The following LRFN2 variants were observed in gnomAD, a reference collection of about 807,000 sequenced individuals.
LRFN2 encodes leucine rich repeat and fibronectin type III domain containing 2.
LRFN2 carries 18 observed loss-of-function variants against 37.3 expected under a neutral mutation model. The ratio of observed to expected loss-of-function variants is 0.48; its 90% confidence interval spans 0.33 to 0.72. LRFN2 has a LOEUF of 0.72. LRFN2 is among the 30% of genes least tolerant of loss of function. The pLI is 0.02. For synonymous variants in LRFN2, 556 were observed against 466.6 expected (o/e 1.19, Z -2.47); for missense variants, 1,006 against 1,060.7 (o/e 0.95, Z 0.72).
intron 1 of LRFN2, among the ~76,000 whole-genome samples, 179 bp downstream of exon 1, chr6:40,586,762 C>G (rs539930134): frequency 6.6e-6 from 1 of 152,196 alleles, no homozygotes; most frequent in Non-Finnish European, 1.5e-5. Context: ...GGAAATCTCT[C>G]GCGATAAGGA....
chr6:40,505,043 G>A (rs190161490), intron 1 of LRFN2, among the ~76,000 whole-genome samples: 209 of 152,328 alleles, frequency 1.4e-3, no homozygotes, highest in African/African-American at 4.4e-3. Flanking sequence ...TGAAGACTAC[G>A]AGCCTAGATC....
At chr6:40,404,714 G>T (rs1762807757) in intron 2 of LRFN2, among the ~76,000 whole-genome samples, 1 of 152,176 alleles carries the variant, frequency 6.6e-6, no homozygotes, top group African/African-American at 2.4e-5. Flanking sequence ...CACCAAACAG[G>T]TGGGCCAGTC....
chr6:40,488,497 C>G (rs560245072), intron 1 of LRFN2, among the ~76,000 whole-genome samples: 29 of 152,266 alleles, frequency 1.9e-4, no homozygotes, highest in African/African-American at 7.0e-4. Flanking sequence ...GGACCTCTTG[C>G]TTCTGAGAAC....
intron 1 of LRFN2, among the ~76,000 whole-genome samples, chr6:40,490,132 G>A (rs9380963): frequency 0.019 from 2,916 of 152,272 alleles, 62 homozygotes; most frequent in East Asian, 0.062. Context: ...GTCAGACCCC[G>A]TGGAAGCACA....
chr6:40,550,160 T>C (rs188866029), intron 1 of LRFN2, among the ~76,000 whole-genome samples: 29 of 152,304 alleles, frequency 1.9e-4, no homozygotes, highest in Admixed American at 4.6e-4. Flanking sequence ...GGTAATGCCC[T>C]ATCCTAAGGC....
In LRFN2 at chr6:40,431,954, C is replaced by T. The variant is rs200220496; in HGVS notation, c.1160G>A (p.Ser387Asn). 1 of 1,613,626 alleles carries T rather than the reference C, an allele frequency of 6.2e-7. No homozygotes were observed. The highest frequency in any genetic ancestry group is 2.2e-5 in the East Asian group (1 of 44,878). The change falls in exon 2 of 3, where the codon AGC becomes AAC. Residue 387 changes from serine (S) to asparagine (N), a missense_variant. Coordinates refer to ENST00000338305, the MANE Select transcript of LRFN2 (RefSeq NM_020737.3). ...VQLPHLSNSTSRTAPPKSRLS... is the reference protein window; with the variant it reads ...VQLPHLSNSTNRTAPPKSRLS... ...GCGGGACTTGGGGGGTGCAGTGCGG[C>T]TGGTGCTGTTGCTGAGGTGTGGCAG...
chr6:40,575,912 T>C (rs951253752), intron 1 of LRFN2, among the ~76,000 whole-genome samples: 1 of 152,188 alleles, frequency 6.6e-6, no homozygotes, highest in African/African-American at 2.4e-5. Context: ...GAAGTAATAA[T>C]ACCTACTGCA....
At chr6:40,492,522 C>T (rs1001390309) in intron 1 of LRFN2, among the ~76,000 whole-genome samples, 23 of 152,196 alleles carry the variant, frequency 1.5e-4, no homozygotes, top group African/African-American at 5.3e-4. Flanking sequence ...TCCTTGGAGC[C>T]GGTTGTTTCA....
intron 1 of LRFN2, among the ~76,000 whole-genome samples, chr6:40,551,910 C>A (rs547055065): frequency 1.3e-5 from 2 of 152,232 alleles, no homozygotes; most frequent in East Asian, 3.9e-4. Context: ...TCAAGCCTAT[C>A]AAGTCCAATT....
chr6:40,422,354 G>C (rs765114373), intron 2 of LRFN2, among the ~76,000 whole-genome samples: 9 of 152,152 alleles, frequency 5.9e-5, no homozygotes, highest in Non-Finnish European at 1.2e-4. Context: ...TGATTTCACT[G>C]GGCATGATGC....
In LRFN2 at chr6:40,545,145, A is replaced by G. The variant is rs776933444; in HGVS notation, c.-19+41796T>C. The stretch of plus-strand genomic sequence containing the variant: ...AGCGAATTCATGCAAAGTGCTCAGC[A>G]TAAGTGCCTACCACATAATAAATGC... On this transcript the variant is annotated intron_variant, in intron 1 of 2. Transcript: ENST00000338305. 2.8e-4 allele frequency among the ~76,000 whole-genome samples: 42 copies of G among 152,254 alleles called. 1 individual carries two copies. The highest frequency in any genetic ancestry group is 7.3e-5 in the Non-Finnish European group (5 of 68,048).
chr6:40,576,872 T>A (rs1767289828), intron 1 of LRFN2, among the ~76,000 whole-genome samples: 1 of 151,944 alleles, frequency 6.6e-6, no homozygotes. Context: ...CTTCTTCACC[T>A]TCCTGACTCC....
chr6:40,465,318 A>G (rs1274873711), intron 1 of LRFN2, among the ~76,000 whole-genome samples: 1 of 152,190 alleles, frequency 6.6e-6, no homozygotes, highest in African/African-American at 2.4e-5. Flanking sequence ...GTCGGATCAT[A>G]TATTTGTTAT....
intron 1 of LRFN2, among the ~76,000 whole-genome samples, chr6:40,453,758 G>A (rs1334717483): frequency 2.6e-5 from 4 of 152,248 alleles, no homozygotes; most frequent in Non-Finnish European, 5.9e-5. Flanking sequence ...TTTGCTGAGG[G>A]CATGTTTTGT....
At chr6:40,454,575 C>T (rs1036147849) in intron 1 of LRFN2, among the ~76,000 whole-genome samples, 4 of 152,164 alleles carry the variant, frequency 2.6e-5, no homozygotes, top group African/African-American at 7.2e-5. Context: ...GATTGGCCAT[C>T]TCTCAGAACA....
chr6:40,583,068 A>T (rs916292992), intron 1 of LRFN2, among the ~76,000 whole-genome samples: 1 of 152,130 alleles, frequency 6.6e-6, no homozygotes, highest in Non-Finnish European at 1.5e-5. Context: ...TTTTAAGACA[A>T]TGCATCCTCA....
chr6:40,543,786 A>G (rs1766600347), intron 1 of LRFN2, among the ~76,000 whole-genome samples: 1 of 152,228 alleles, frequency 6.6e-6, no homozygotes, highest in African/African-American at 2.4e-5. Context: ...AAGGGATTCC[A>G]CCTGGGTTTT....
intron 1 of LRFN2, chr6:40,517,408 A>C (rs928360623): frequency 6.6e-6 from 1 of 152,188 alleles, no homozygotes; most frequent in African/African-American, 2.4e-5. Flanking sequence ...CTTAAAATGC[A>C]CACCTTTCCA....
intron 1 of LRFN2, among the ~76,000 whole-genome samples, chr6:40,513,422 C>T (rs1344824825): frequency 1.3e-5 from 2 of 151,914 alleles, no homozygotes; most frequent in African/African-American, 2.4e-5. Flanking sequence ...TTAGTAGAGA[C>T]GGGGTTTCAC....
Sources: allele counts gnomAD v4.1 joint callset (sites outside exome capture counted in the v4.1 genomes callset), GRCh38; gene constraint gnomAD v4.1.1; transcripts MANE v1.5; gene names NCBI Gene and HGNC (gene_info 2026-07-23, HGNC 2026-07-21).